FAAH2: variants seen among roughly 807,000 people sequenced by gnomAD.
FAAH2 encodes the protein fatty acid amide hydrolase 2, also known as fatty-acid amide hydrolase 2.
FAAH2 carries 60 observed loss-of-function variants against 36.9 expected under a neutral mutation model. The ratio of observed to expected loss-of-function variants is 1.63; its 90% CI spans 1.32 to 2.02. The LOEUF (loss-of-function observed/expected upper bound fraction) is 2.02. FAAH2 is among the 30% of genes most tolerant of loss of function. FAAH2 has a pLI of 0.00. For missense variants in FAAH2, 689 were observed against 397.5 expected (o/e 1.73, Z -6.23); for synonymous variants, 214 against 143.8 (o/e 1.49, Z -3.49).
At chrX:57,435,099 C>CA (rs1384235379) in intron 8 of FAAH2, among the ~76,000 whole-genome samples, 1 of 111,617 alleles carries the variant, frequency 9.0e-6, no homozygotes, top group African/African-American at 3.2e-5. Context: ...ACCACTAGAG[C>CA]AGACTTAAAA....
chrX:57,466,631 C>T (rs1238282714), intron 10 of FAAH2, among the ~76,000 whole-genome samples: 1 of 110,401 alleles, frequency 9.1e-6, no homozygotes, highest in East Asian at 2.9e-4. Context: ...CAACAGTATG[C>T]TATATACAAA....
the FAAH2 span, among the ~76,000 whole-genome samples, chrX:57,261,123 T>A: frequency 8.9e-6 from 1 of 111,836 alleles, no homozygotes; most frequent in Non-Finnish European, 1.9e-5. Context: ...TATAAAAACG[T>A]GAAGCCACAC....
intron 10 of FAAH2, among the ~76,000 whole-genome samples, chrX:57,478,587 C>T (rs1351133853): frequency 5.4e-5 from 6 of 111,577 alleles, no homozygotes; most frequent in South Asian, 3.8e-4. Flanking sequence ...AATGGTAATG[C>T]CTAGGTTTTC....
chrX:57,218,373 C>G, the FAAH2 span, among the ~76,000 whole-genome samples: 1 of 111,867 alleles, frequency 8.9e-6, no homozygotes. Context: ...AGGTATGTCC[C>G]TTGTATGCCA....
At chrX:57,319,814 A>G (rs371104014) in intron 3 of FAAH2, among the ~76,000 whole-genome samples, 30 of 112,093 alleles carry the variant, frequency 2.7e-4, no homozygotes, top group East Asian at 1.1e-3. Context: ...TAGTGGAACC[A>G]AAACAGAGAT....
At chrX:57,299,339 A>G (rs1024130121) in intron 2 of FAAH2, among the ~76,000 whole-genome samples, 7 of 112,137 alleles carry the variant, frequency 6.2e-5, no homozygotes, top group Non-Finnish European at 1.1e-4. Flanking sequence ...ATATAAACAG[A>G]ACCAAAGACA....
rs780846459 is a variant in FAAH2 at position 57,286,983 on chromosome X, G to T, written c.158G>T (p.Gly53Val). 17 of 1,200,099 alleles carry T rather than the reference G, an allele frequency of 1.4e-5. No homozygotes were observed. Among genetic ancestry groups the T allele is most frequent in the Non-Finnish European group, 1.8e-5 (16 of 889,547 alleles). The change falls in exon 1 of 11, where the codon GGG becomes GTG. Residue 53 changes from glycine (G) to valine (V), a missense_variant. Transcript: ENST00000374900. ...ACTGAACCATTGCTTCTGCTTTCGG[G>T]GATGCAGCTGGCCAAGCTGATCCGA... ...PVTEPLLLLS[G>V]MQLAKLIRQR... is the part of the protein sequence containing the mutation.
Position 57,408,535 on chromosome X carries a change from CTATTTATT to C in FAAH2, c.997-23357_997-23350del, listed in dbSNP as rs200375559. ...TGCATTTTCCTTTCCAATTTGCATG[CTATTTATT>C]TATTTATTTATTTATTTATTTATTT... On this transcript the variant is annotated intron_variant, in intron 7 of 10. Transcript: ENST00000374900. Among the ~76,000 whole-genome samples, 685 of 101,930 alleles carry C rather than the reference CTATTTATT, an allele frequency of 6.7e-3. 4 individuals are homozygous for C. Among genetic ancestry groups the C allele is most frequent in the Non-Finnish European group, 0.01 (506 of 49,602 alleles). 88.5% of individuals were successfully genotyped at this position (101,930 alleles called of 115,157 possible). A position where few individuals can be genotyped will look rare whatever the true frequency, so the allele number is the denominator to read the frequency against.
intron 5 of FAAH2, among the ~76,000 whole-genome samples, chrX:57,360,044 T>C (rs1174232565): frequency 2.8e-5 from 3 of 108,376 alleles, no homozygotes; most frequent in Non-Finnish European, 5.7e-5. Flanking sequence ...TGCTGGGAAA[T>C]ATGGTGATAG....
At chrX:57,206,175 G>A in the FAAH2 span, among the ~76,000 whole-genome samples, 1 of 112,139 alleles carries the variant, frequency 8.9e-6, no homozygotes, top group African/African-American at 3.2e-5. Context: ...CCCAGGGCTA[G>A]TGAGACTAGG....
intron 5 of FAAH2, among the ~76,000 whole-genome samples, chrX:57,355,986 C>A (rs1233171208): frequency 9.0e-6 from 1 of 110,694 alleles, no homozygotes; most frequent in Admixed American, 9.6e-5. Flanking sequence ...GCTTTTTTGT[C>A]ATGAAGGAGG....
At chrX:57,379,531 GCTCT>G (rs57962376) in intron 6 of FAAH2, among the ~76,000 whole-genome samples, 81 of 102,603 alleles carry the variant, frequency 7.9e-4, no homozygotes, top group African/African-American at 2.3e-3. Context: ...TGTCTCTCTC[GCTCT>G]CTCTCTCTCT....
the FAAH2 span, among the ~76,000 whole-genome samples, chrX:57,193,096 A>G: frequency 3.1e-4 from 35 of 112,362 alleles, no homozygotes; most frequent in Non-Finnish European, 3.2e-4. Flanking sequence ...GAACACAGCC[A>G]TATTTCTCTT....
chrX:57,440,159 G>A (rs1467839910), intron 8 of FAAH2, among the ~76,000 whole-genome samples: 1 of 111,305 alleles, frequency 9.0e-6, no homozygotes, highest in Non-Finnish European at 1.9e-5. Context: ...TAGCTTAATG[G>A]GGATGGCATT....
chrX:57,172,798 G>C, the FAAH2 span, among the ~76,000 whole-genome samples: 38 of 111,555 alleles, frequency 3.4e-4, no homozygotes, highest in African/African-American at 1.2e-3. Flanking sequence ...CAGCCTGCTG[G>C]TGTGCTCCTA....
In FAAH2 at chrX:57,449,689, G is replaced by A. The variant is rs948611802; in HGVS notation, c.1423+971G>A. Among the ~76,000 whole-genome samples the A allele has an allele frequency of 1.2e-4, 13 of 109,630 alleles. No homozygotes were observed. The Admixed American group carries it at 1.3e-3, about 11-fold the overall frequency. On this transcript the variant is annotated intron_variant, in intron 10 of 10. Coordinates refer to ENST00000374900, the MANE Select transcript of FAAH2 (RefSeq NM_174912.4). ...TTCCTTGCTTCCTTCCTTCCTTCTT[G>A]GAGTTTTGCTCTTGTTGCCCAGGCT...
chrX:57,394,187 A>T (rs1216332143), intron 7 of FAAH2: 1 of 652,386 alleles, frequency 1.5e-6, no homozygotes, highest in Non-Finnish European at 2.6e-6. Context: ...ACCACCTTTT[A>T]TTCCAAAGGT....
At chrX:57,406,716 C>T (rs1243502101) in intron 7 of FAAH2, among the ~76,000 whole-genome samples, 2 of 112,724 alleles carry the variant, frequency 1.8e-5, no homozygotes, top group Non-Finnish European at 3.8e-5. Flanking sequence ...TTCCTGCAGC[C>T]CAAAACATAC....
At chrX:57,242,430 G>C in the FAAH2 span, among the ~76,000 whole-genome samples, 2 of 111,862 alleles carry the variant, frequency 1.8e-5, no homozygotes, top group Non-Finnish European at 3.8e-5. Flanking sequence ...GAAAAAGAAG[G>C]AACCCCATTT....
Sources: gnomAD v4.1 joint callset for allele counts (sites outside exome capture counted in the v4.1 genomes callset) on GRCh38, gnomAD v4.1.1 for gene constraint, MANE v1.5 for transcripts, NCBI Gene and HGNC (gene_info 2026-07-23, HGNC 2026-07-21) for gene names.